Variants in NALF1 observed in about 807,000 individuals in gnomAD.
NALF1 encodes the protein NALCN channel auxiliary factor 1, also known as family with sequence similarity 155 member A.
Under a neutral mutation model 48.4 loss-of-function variants are expected in NALF1, and 3 were observed. The ratio of observed to expected loss-of-function variants is 0.06; its 90% CI spans 0.03 to 0.16. The LOEUF (loss-of-function observed/expected upper bound fraction) is 0.16. Among genes scored for constraint, NALF1 ranks in the 10% least tolerant of loss-of-function variants. The pLI is 1.00. For synonymous variants in NALF1, 262 were observed against 245.7 expected, an observed-to-expected ratio of 1.07 and a Z score of -0.62; for missense variants, 526 against 571.5, an observed-to-expected ratio of 0.92 and a Z score of 0.81.
intron 1 of NALF1, among the ~76,000 whole-genome samples, chr13:107,339,317 T>G (rs1203058947): frequency 2.6e-5 from 4 of 152,120 alleles, no homozygotes; most frequent in Non-Finnish European, 5.9e-5. Context: ...CCCTAGGTAC[T>G]GAGGCAGAAA....
Position 107,419,792 on chromosome 13 carries a change from T to C in NALF1, c.916-209037A>G, listed in dbSNP as rs2049756242. ...CACATGAACAAGTGGAATAAGCAAA[T>C]TGATAAACTATTTCTCTGACAGTGC... is the stretch of plus-strand genomic sequence containing the variant. On this transcript the variant is annotated intron_variant, in intron 1 of 2. Coordinates refer to ENST00000375915, the MANE Select transcript of NALF1 (RefSeq NM_001080396.3). Among the ~76,000 whole-genome samples, 4 of 152,314 alleles carry C rather than the reference T, an allele frequency of 2.6e-5. No homozygotes were observed. In the South Asian group the frequency reaches 8.3e-4, roughly 32 times the overall value.
At chr13:107,472,509 C>G (rs1885117200) in intron 1 of NALF1, among the ~76,000 whole-genome samples, 1 of 152,028 alleles carries the variant, frequency 6.6e-6, no homozygotes, top group African/African-American at 2.4e-5. Flanking sequence ...CCACCCTCAA[C>G]CCAGGTTGAG....
chr13:107,294,148 T>A (rs998159692), intron 1 of NALF1, among the ~76,000 whole-genome samples: 1 of 152,062 alleles, frequency 6.6e-6, no homozygotes, highest in Non-Finnish European at 1.5e-5. Flanking sequence ...CTCACCCCCA[T>A]TGGGCACCAG....
chr13:107,313,856 A>G (rs1473636727), intron 1 of NALF1, among the ~76,000 whole-genome samples: 1 of 152,054 alleles, frequency 6.6e-6, no homozygotes, highest in East Asian at 1.9e-4. Flanking sequence ...GACCGAACCA[A>G]TGTACATCTT....
At chr13:107,706,125 A>C (rs1881940686) in intron 1 of NALF1, among the ~76,000 whole-genome samples, 2 of 152,186 alleles carry the variant, frequency 1.3e-5, no homozygotes. Context: ...CTTGTTCTAT[A>C]GCCTGCTAAA....
chr13:107,238,563 G>A lies in NALF1; in HGVS notation c.916-27808C>T, dbSNP rs749462780. Among the ~76,000 whole-genome samples the A allele has an allele frequency of 1.1e-3, 171 of 152,126 alleles. 5 individuals carry two copies. The highest frequency in any genetic ancestry group is 2.4e-4 in the Non-Finnish European group (16 of 68,022). ...GGTAAAAATCTGTGGGAGCACATGCGGCCAGGACAGGGCAAGTTCAAGATG... is the reference window on the plus strand; with the variant it reads ...GGTAAAAATCTGTGGGAGCACATGCAGCCAGGACAGGGCAAGTTCAAGATG... On this transcript the variant is annotated intron_variant, in intron 1 of 2. Coordinates refer to ENST00000375915, the MANE Select transcript of NALF1 (RefSeq NM_001080396.3).
chr13:107,306,553 A>C (rs1055161222), intron 1 of NALF1, among the ~76,000 whole-genome samples: 2 of 152,198 alleles, frequency 1.3e-5, no homozygotes, highest in African/African-American at 4.8e-5. Context: ...TGTTCTATCA[A>C]CAGCAACTAT....
chr13:107,807,431 T>C (rs1284428526), intron 1 of NALF1, among the ~76,000 whole-genome samples: 1 of 152,154 alleles, frequency 6.6e-6, no homozygotes, highest in East Asian at 1.9e-4. Flanking sequence ...CACACCAATA[T>C]GTGAAAATTT....
At chr13:107,309,024 C>T (rs1314530248) in intron 1 of NALF1, among the ~76,000 whole-genome samples, 2 of 152,186 alleles carry the variant, frequency 1.3e-5, no homozygotes, top group African/African-American at 4.8e-5. Flanking sequence ...GTTTTGTCTG[C>T]TTGTTTATCT....
intron 1 of NALF1, among the ~76,000 whole-genome samples, chr13:107,820,526 A>G (rs1879334192): frequency 6.6e-6 from 1 of 152,218 alleles, no homozygotes; most frequent in African/African-American, 2.4e-5. Context: ...AGGTACTGAC[A>G]TGCAAACTTA....
At chr13:107,862,168 G>T (rs1036347025) in intron 1 of NALF1, among the ~76,000 whole-genome samples, 1 of 152,180 alleles carries the variant, frequency 6.6e-6, no homozygotes, top group African/African-American at 2.4e-5. Context: ...TGAGGGAATA[G>T]TAACTAAATA....
chr13:107,273,912 C>T (rs1326038326), intron 1 of NALF1, among the ~76,000 whole-genome samples: 4 of 152,118 alleles, frequency 2.6e-5, no homozygotes, highest in East Asian at 1.9e-4. Flanking sequence ...GGGTAGTTCC[C>T]TGCAGCTTGC....
At chr13:107,418,507 A>G (rs74857410) in intron 1 of NALF1, among the ~76,000 whole-genome samples, 4,951 of 152,092 alleles carry the variant, frequency 0.033, 269 homozygotes, top group African/African-American at 0.11. Flanking sequence ...AAGTTTTGAG[A>G]TTATTTGTAC....
At chr13:107,477,426 C>T (rs1458005181) in intron 1 of NALF1, among the ~76,000 whole-genome samples, 1 of 152,062 alleles carries the variant, frequency 6.6e-6, no homozygotes, top group African/African-American at 2.4e-5. Flanking sequence ...AAAATCAGGA[C>T]CTTGGGCCAA....
chr13:107,186,188 C>T (rs1879167616), intron 2 of NALF1, among the ~76,000 whole-genome samples: 1 of 152,114 alleles, frequency 6.6e-6, no homozygotes, highest in Non-Finnish European at 1.5e-5. Context: ...CTATACATAG[C>T]GTTTGACGGG....
Position 107,278,208 on chromosome 13 carries a change from T to A in NALF1, c.916-67453A>T, listed in dbSNP as rs189855485. On this transcript the variant is annotated intron_variant, in intron 1 of 2. Transcript: ENST00000375915. ...GTCTATCATTGGCTGGATTGTTTTA[T>A]AGCTTTTCTAGCCCCATTCGTACTC... Among the ~76,000 whole-genome samples, 308 of 152,348 alleles carry A rather than the reference T, an allele frequency of 2.0e-3. 5 individuals carry two copies. The highest frequency in any genetic ancestry group is 9.9e-3 in the Admixed American group (151 of 15,308).
intron 1 of NALF1, among the ~76,000 whole-genome samples, chr13:107,363,031 C>T (rs1266510309): frequency 2.0e-5 from 3 of 152,100 alleles, no homozygotes; most frequent in Non-Finnish European, 2.9e-5. Flanking sequence ...AACAACAGAA[C>T]ACATAAACAA....
intron 1 of NALF1, among the ~76,000 whole-genome samples, chr13:107,787,293 G>C (rs906381713): frequency 9.2e-5 from 14 of 151,936 alleles, no homozygotes; most frequent in African/African-American, 3.1e-4. Flanking sequence ...TAAAACTCTG[G>C]CCTTAAATTT....
chr13:107,822,651 A>G (rs1381845438), intron 1 of NALF1, among the ~76,000 whole-genome samples: 3 of 152,220 alleles, frequency 2.0e-5, no homozygotes, highest in Non-Finnish European at 4.4e-5. Flanking sequence ...ATACTGTAAA[A>G]GTGCTGAGAT....
Sources: allele counts gnomAD v4.1 joint callset (sites outside exome capture counted in the v4.1 genomes callset), GRCh38; gene constraint gnomAD v4.1.1; transcripts MANE v1.5; gene names NCBI Gene and HGNC (gene_info 2026-07-23, HGNC 2026-07-21).